EDARADD: variants seen among roughly 807,000 people sequenced by gnomAD.
EDARADD encodes ectodysplasin-A receptor-associated adapter protein.
EDARADD carries 20 observed loss-of-function variants against 25.6 expected under a neutral mutation model. That is an observed-to-expected ratio of 0.78 (90% CI 0.55 to 1.14). The LOEUF is 1.14. EDARADD is among the 50% of genes most tolerant of loss of function. EDARADD has a pLI of 0.00. For synonymous variants in EDARADD, 86 were observed against 94.4 expected (o/e 0.91, Z 0.52); for missense variants, 225 against 270.1 (o/e 0.83, Z 1.17).
intron 5 of EDARADD, among the ~76,000 whole-genome samples, chr1:236,468,714 G>T (rs1416299674): frequency 1.3e-5 from 2 of 152,148 alleles, no homozygotes; most frequent in Non-Finnish European, 2.9e-5. Context: ...TCTACCTGCG[G>T]TGCACTGCAG....
chr1:236,373,608 T>G (rs1667195137), intron 3 of EDARADD, among the ~76,000 whole-genome samples: 1 of 152,216 alleles, frequency 6.6e-6, no homozygotes, highest in African/African-American at 2.4e-5. Context: ...AAGAACCAGC[T>G]TTTGGTTTTG....
At chr1:236,380,966 A>T (rs1667288974) in intron 3 of EDARADD, among the ~76,000 whole-genome samples, 1 of 152,222 alleles carries the variant, frequency 6.6e-6, no homozygotes, top group Admixed American at 6.5e-5. Context: ...CAACTTGATC[A>T]GTTTTGACAT....
At chr1:236,357,814 G>A (rs79952393) in intron 3 of EDARADD, among the ~76,000 whole-genome samples, 6,700 of 152,012 alleles carry the variant, frequency 0.044, 189 homozygotes, top group Non-Finnish European at 0.066. Context: ...AACATGAGAT[G>A]TGGCGGGGAT....
In EDARADD at chr1:236,483,832, G is replaced by A; in HGVS notation, c.*1183G>A. On this transcript the variant is annotated 3_prime_UTR_variant, in exon 6 of 6. Coordinates refer to ENST00000334232, the MANE Select transcript of EDARADD (RefSeq NM_145861.4). ...CCCAACATCCTGGAGAATAAAGAAG[G>A]CCTGGAGCTGCTGAAGACTGCGATT... 7.0e-7 allele frequency: 1 copy of A among 1,431,258 alleles called. No homozygotes were observed. Among genetic ancestry groups the A allele is most frequent in the Non-Finnish European group, 9.8e-7 (1 of 1,015,658 alleles). The allele number at this position is 1,431,258 out of a possible 1,614,324, so 88.7% of individuals were successfully genotyped here.
At chr1:236,463,339 G>A (rs1659089122) in intron 4 of EDARADD, among the ~76,000 whole-genome samples, 2 of 152,160 alleles carry the variant, frequency 1.3e-5, no homozygotes, top group South Asian at 4.1e-4. Context: ...TGTCATCCAG[G>A]CTGGAGTGCA....
At chr1:236,425,084 C>G (rs677258) in intron 3 of EDARADD, among the ~76,000 whole-genome samples, 66,835 of 151,982 alleles carry the variant, frequency 0.44, 17,272 homozygotes, top group Non-Finnish European at 0.59. Context: ...AGTCGGTCTC[C>G]CTGGGGATGG....
intron 4 of EDARADD, among the ~76,000 whole-genome samples, chr1:236,430,639 C>A (rs2103017783): frequency 6.6e-6 from 1 of 152,244 alleles, no homozygotes; most frequent in East Asian, 1.9e-4. Context: ...AAAAGTAGTA[C>A]TATAGGCAGC....
In EDARADD at chr1:236,467,269, C is replaced by T. The variant is rs190204809; in HGVS notation, c.220-962C>T. Among the ~76,000 whole-genome samples the T allele has an allele frequency of 8.5e-4, 124 of 145,096 alleles. 1 individual carries two copies. Among genetic ancestry groups the T allele is most frequent in the Non-Finnish European group, 3.3e-4 (22 of 66,218 alleles). ...GTTCTAAAGCCCAGGGCTTCTGACT[C>T]GCCTCTTGTGCTTCTTCAGTACTGT... On this transcript the variant is annotated intron_variant, in intron 4 of 5. Coordinates refer to ENST00000334232, the MANE Select transcript of EDARADD (RefSeq NM_145861.4).
At chr1:236,403,914 C>T (rs533847116) in intron 1 of EDARADD, among the ~76,000 whole-genome samples, 8 of 152,242 alleles carry the variant, frequency 5.3e-5, no homozygotes, top group East Asian at 3.9e-4. Flanking sequence ...TTCTCACTGC[C>T]GGCAGAGATA....
At chr1:236,408,023 A>G (rs1667768118) in intron 1 of EDARADD, among the ~76,000 whole-genome samples, 1 of 152,214 alleles carries the variant, frequency 6.6e-6, no homozygotes, top group African/African-American at 2.4e-5. Context: ...AAAGAAGTAG[A>G]TTCAGAATGG....
rs776064017 is a variant in EDARADD, at chr1:236,459,611, C to CCTT, written c.220-8620_220-8619insCTT. Among the ~76,000 whole-genome samples, 67 of 100,474 alleles carry CCTT rather than the reference C, an allele frequency of 6.7e-4. 2 individuals carry two copies. Among genetic ancestry groups the CCTT allele is most frequent in the Non-Finnish European group, 8.2e-4 (40 of 48,882 alleles). The allele number at this position is 100,474 out of a possible 152,430, so 65.9% of individuals were successfully genotyped here. A position where few individuals can be genotyped will look rare whatever the true frequency, so the allele number is the denominator to read the frequency against. On this transcript the variant is annotated intron_variant, in intron 4 of 5. Transcript: ENST00000334232. The stretch of plus-strand genomic sequence containing the variant: ...ATATTTTCACTCTTCTTATTTAGCT[C>CCTT]TTTTTTTTTTTTTTTTTTTTGAGAT...
upstream of EDARADD, among the ~76,000 whole-genome samples, chr1:236,391,118 A>G (rs369904256): frequency 6.1e-4 from 92 of 152,010 alleles, no homozygotes; most frequent in Non-Finnish European, 1.1e-3. Flanking sequence ...AGCTTGGGCT[A>G]ATTATTTTAA....
At chr1:236,427,609 A>G (rs1450199137) in intron 4 of EDARADD, among the ~76,000 whole-genome samples, 159 bp downstream of exon 4, 1 of 152,192 alleles carries the variant, frequency 6.6e-6, no homozygotes, top group Non-Finnish European at 1.5e-5. Flanking sequence ...GTAAGGTAGC[A>G]TATCTTTAGA....
Position 236,369,029 on chromosome 1 carries a change from A to G in EDARADD, c.-6+18190A>G, listed in dbSNP as rs181844381. On this transcript the variant is annotated intron_variant, in intron 3 of 7. Coordinates refer to the EDARADD transcript ENST00000439430. ...AGGCTGGTCTTGAACTCCTGAGCCA[A>G]GTGATCTGCCTGCCTCAGCCTCCCA... is the stretch of plus-strand genomic sequence containing the variant. 6.9e-4 allele frequency among the ~76,000 whole-genome samples: 105 copies of G among 152,174 alleles called. 1 individual carries two copies. The highest frequency in any genetic ancestry group is 2.5e-3 in the African/African-American group (102 of 41,522).
At chr1:236,457,665 A>G (rs1013683339) in intron 4 of EDARADD, among the ~76,000 whole-genome samples, 3 of 151,968 alleles carry the variant, frequency 2.0e-5, no homozygotes, top group African/African-American at 4.8e-5. Context: ...CTAAAAATAC[A>G]AAAATTAGCC....
chr1:236,424,671 G>A (rs957632790), intron 3 of EDARADD, among the ~76,000 whole-genome samples: 4 of 152,068 alleles, frequency 2.6e-5, no homozygotes, highest in African/African-American at 9.7e-5. Context: ...CTGTGGGCTT[G>A]TGTCAGGGTG....
chr1:236,362,495 C>T (rs1160403830), intron 3 of EDARADD, among the ~76,000 whole-genome samples: 1 of 152,186 alleles, frequency 6.6e-6, no homozygotes, highest in African/African-American at 2.4e-5. Flanking sequence ...CAGCTTGTGG[C>T]TTGTCTTTCT....
At chr1:236,366,721 G>A (rs148421660) in intron 3 of EDARADD, among the ~76,000 whole-genome samples, 115 of 145,832 alleles carry the variant, frequency 7.9e-4, no homozygotes, top group African/African-American at 2.6e-3. Context: ...AGTAACCTGG[G>A]TCAGAGAGCT....
chr1:236,447,883 T>C (rs547869280), intron 4 of EDARADD, among the ~76,000 whole-genome samples: 1 of 152,052 alleles, frequency 6.6e-6, no homozygotes, highest in East Asian at 1.9e-4. Context: ...TTGCCCAAGC[T>C]GGAGTGCAAA....
Sources: allele counts gnomAD v4.1 joint callset (sites outside exome capture counted in the v4.1 genomes callset), GRCh38; gene constraint gnomAD v4.1.1; transcripts MANE v1.5; gene names NCBI Gene and HGNC (gene_info 2026-07-23, HGNC 2026-07-21).